The following RNF180 variants were observed in gnomAD, a reference collection of about 807,000 sequenced individuals.
RNF180 encodes the protein ring finger protein 180.
In RNF180, 38 loss-of-function variants were observed where a neutral mutation model predicts 59.2. That is an observed-to-expected ratio of 0.64 (90% CI 0.50 to 0.84). The LOEUF is 0.84. Among genes scored for constraint, RNF180 ranks in the 40% least tolerant of loss-of-function variants. The pLI is 0.00. For synonymous variants in RNF180, 262 were observed against 240.3 expected (o/e 1.09, Z -0.84); for missense variants, 705 against 700.9 (o/e 1.01, Z -0.07).
In RNF180 at chr5:64,350,465, A is replaced by G. The variant is rs189285988; in HGVS notation, c.1580-19150A>G. 2.6e-3 allele frequency among the ~76,000 whole-genome samples: 400 copies of G among 152,214 alleles called. 5 individuals carry two copies. The highest frequency in any genetic ancestry group is 9.3e-3 in the African/African-American group (387 of 41,522). On this transcript the variant is annotated intron_variant, in intron 7 of 7. Transcript: ENST00000389100. ...TTGTTGCCATTGCTTTTGGTGTTTTAGACATGAAGTCCTCGCCCATGCCTA... is the reference window on the plus strand; with the variant it reads ...TTGTTGCCATTGCTTTTGGTGTTTTGGACATGAAGTCCTCGCCCATGCCTA...
intron 7 of RNF180, among the ~76,000 whole-genome samples, chr5:64,339,766 T>G (rs1457996444): frequency 6.6e-6 from 1 of 152,092 alleles, no homozygotes; most frequent in Admixed American, 6.6e-5. Flanking sequence ...GAAGCTTGTA[T>G]AAAAGCTTGA....
intron 5 of RNF180, among the ~76,000 whole-genome samples, chr5:64,319,470 A>G (rs1009361542): frequency 6.6e-6 from 1 of 152,236 alleles, no homozygotes; most frequent in Non-Finnish European, 1.5e-5. Context: ...AGAGAATATG[A>G]TAAAGGCAAA....
In RNF180 at chr5:64,325,428, A is replaced by G; in HGVS notation, c.1453+17A>G. The G allele has an allele frequency of 6.9e-7, 1 of 1,444,408 alleles. No homozygotes were observed. Among genetic ancestry groups the G allele is most frequent in the Non-Finnish European group, 9.5e-7 (1 of 1,049,230 alleles). 89.5% of individuals were successfully genotyped at this position (1,444,408 alleles called of 1,614,324 possible). A position where few individuals can be genotyped will look rare whatever the true frequency, so the allele number is the denominator to read the frequency against. On this transcript the variant is annotated intron_variant, in intron 6 of 7. Coordinates refer to ENST00000389100, the MANE Select transcript of RNF180 (RefSeq NM_001113561.2). ...TCCAAACAGGTAACAATTCTCTTTC[A>G]TTAACATGATTGTCTGATTATTCTA...
At position 64,218,668 on chromosome 5, in the gene RNF180, A is replaced by T. The variant is rs902040420; in HGVS notation, c.1227+1272A>T. Among the ~76,000 whole-genome samples, 4 of 152,168 alleles carry T rather than the reference A, an allele frequency of 2.6e-5. No homozygotes were observed. The South Asian group carries it at 8.3e-4, about 32-fold the overall frequency. On this transcript the variant is annotated intron_variant, in intron 5 of 7. Coordinates refer to ENST00000389100, the MANE Select transcript of RNF180 (RefSeq NM_001113561.2). Reference sequence around the variant, plus strand: ...TATAGATAAACTTGGGGAGAATTGAAATCTTTACTATGTTGACTCTCGTAA... The same window carrying T: ...TATAGATAAACTTGGGGAGAATTGATATCTTTACTATGTTGACTCTCGTAA...
intron 1 of RNF180, among the ~76,000 whole-genome samples, chr5:64,176,530 GCTTT>G (rs1170972601): frequency 6.6e-6 from 1 of 152,070 alleles, no homozygotes; most frequent in African/African-American, 2.4e-5. Flanking sequence ...GTGTTTTCTT[GCTTT>G]CTTAGATTTT....
intron 5 of RNF180, among the ~76,000 whole-genome samples, chr5:64,236,851 C>T (rs778744841): frequency 3.9e-5 from 6 of 152,186 alleles, no homozygotes; most frequent in Non-Finnish European, 7.3e-5. Flanking sequence ...CAAGCCTTGG[C>T]GGCTTCCACA....
chr5:64,196,001 T>A (rs993919687), intron 1 of RNF180, among the ~76,000 whole-genome samples: 1 of 152,204 alleles, frequency 6.6e-6, no homozygotes, highest in Non-Finnish European at 1.5e-5. Flanking sequence ...CTCCACACAG[T>A]GACTGTGGTC....
At chr5:64,205,285 C>T (rs1019750910) in intron 2 of RNF180, among the ~76,000 whole-genome samples, 1 of 152,078 alleles carries the variant, frequency 6.6e-6, no homozygotes. Context: ...AGTTATCCAG[C>T]CACTGGCATG....
At chr5:64,184,085 G>T (rs187670985) in intron 1 of RNF180, among the ~76,000 whole-genome samples, 13 of 152,324 alleles carry the variant, frequency 8.5e-5, no homozygotes, top group Admixed American at 7.8e-4. Context: ...CTGGTTATGT[G>T]TGCCTACAGA....
In RNF180 at chr5:64,330,425, A is replaced by C. The variant is rs1744850478; in HGVS notation, c.1579+19A>C. 1 of 1,412,482 alleles carries C rather than the reference A, an allele frequency of 7.1e-7. No homozygotes were observed. The highest frequency in any genetic ancestry group is 9.4e-7 in the Non-Finnish European group (1 of 1,058,474). The allele number at this position is 1,412,482 out of a possible 1,614,324, so 87.5% of individuals were successfully genotyped here. A position where few individuals can be genotyped will look rare whatever the true frequency, so the allele number is the denominator to read the frequency against. ...TTTGGAGGTAAGGAAATCTAACGCC[A>C]AAAAAAAAGTCTGGTAATTTTGTCT... On this transcript the variant is annotated intron_variant, in intron 7 of 7. Transcript: ENST00000389100.
chr5:64,183,324 T>TA (rs1750705575), intron 1 of RNF180, among the ~76,000 whole-genome samples: 1 of 152,142 alleles, frequency 6.6e-6, no homozygotes, highest in Admixed American at 6.5e-5. Context: ...ATAGCTAGTT[T>TA]AAAAAATAAT....
intron 6 of RNF180, among the ~76,000 whole-genome samples, chr5:64,329,915 C>G (rs924358498): frequency 6.6e-6 from 1 of 152,204 alleles, no homozygotes; most frequent in Non-Finnish European, 1.5e-5. Flanking sequence ...CAGTTCCTAA[C>G]AGGCCATGGA....
At chr5:64,165,509 G>A (rs1382803540), upstream of RNF180, among the ~76,000 whole-genome samples, 2 of 152,252 alleles carry the variant, frequency 1.3e-5, no homozygotes, top group African/African-American at 4.8e-5. Flanking sequence ...AACAGACCCA[G>A]TAGTTGGCTT....
intron 3 of RNF180, 151 bp downstream of exon 3, chr5:64,212,311 T>C: frequency 1.7e-6 from 1 of 605,876 alleles, no homozygotes; most frequent in South Asian, 2.1e-5. Flanking sequence ...TCTTTTCTCC[T>C]TTCTCCGCTT....
chr5:64,250,572 AAG>A (rs1233784416), intron 5 of RNF180, among the ~76,000 whole-genome samples: 1 of 152,112 alleles, frequency 6.6e-6, no homozygotes, highest in Non-Finnish European at 1.5e-5. Context: ...AGAAATGAAA[AAG>A]GAGATATTAC....
At chr5:64,369,531 T>G in intron 7 of RNF180, 84 bp from the exon 8 acceptor site, 1 of 765,824 alleles carries the variant, frequency 1.3e-6, no homozygotes, top group Non-Finnish European at 1.9e-6. Context: ...AGGATATGCT[T>G]TGTTTAACTG....
At chr5:64,188,237 A>G (rs1374890656) in intron 1 of RNF180, among the ~76,000 whole-genome samples, 1 of 152,178 alleles carries the variant, frequency 6.6e-6, no homozygotes, top group Non-Finnish European at 1.5e-5. Flanking sequence ...CTGTGTAACA[A>G]TGAGATTTCC....
intron 1 of RNF180, among the ~76,000 whole-genome samples, chr5:64,180,539 C>G (rs980953082): frequency 6.6e-6 from 1 of 152,034 alleles, no homozygotes; most frequent in Non-Finnish European, 1.5e-5. Flanking sequence ...TCAAAATTTA[C>G]CACAAAACCA....
intron 5 of RNF180, among the ~76,000 whole-genome samples, chr5:64,294,119 G>A (rs1421961671): frequency 1.3e-5 from 2 of 152,160 alleles, no homozygotes; most frequent in Admixed American, 6.5e-5. Context: ...TTTTGGTTTA[G>A]GGGGTTGTTT....
Sources: allele counts gnomAD v4.1 joint callset (sites outside exome capture counted in the v4.1 genomes callset), GRCh38; gene constraint gnomAD v4.1.1; transcripts MANE v1.5; gene names NCBI Gene and HGNC (gene_info 2026-07-23, HGNC 2026-07-21).